The following ATL3 variants were observed in gnomAD, a reference collection of about 807,000 sequenced individuals.
The protein encoded by ATL3 is atlastin GTPase 3.
In ATL3, 49 loss-of-function variants were observed where a neutral mutation model predicts 69.5. The observed-to-expected ratio is 0.71, with a 90% CI of 0.56 to 0.89. ATL3 has a LOEUF of 0.89. Ranked by LOEUF, ATL3 falls within the 40% of genes least tolerant of loss-of-function variation. The pLI, the probability that ATL3 is intolerant of heterozygous loss-of-function variation, is 0.00. For missense variants in ATL3, 606 were observed against 645.7 expected (o/e 0.94, Z 0.67); for synonymous variants, 214 against 224.1 (o/e 0.95, Z 0.40).
rs188286428 is a variant in ATL3 at position 63,644,849 on chromosome 11, T to A, written c.619-588A>T. On this transcript the variant is annotated intron_variant, in intron 6 of 12. Coordinates refer to ENST00000398868, the MANE Select transcript of ATL3 (RefSeq NM_015459.5). ...AATGAGAAAATGGTAAATTTGGGACTCTGCCTTAAAGAAATCTATGGGGAA... is the reference window on the plus strand; with the variant it reads ...AATGAGAAAATGGTAAATTTGGGACACTGCCTTAAAGAAATCTATGGGGAA... Among the ~76,000 whole-genome samples the A allele has an allele frequency of 1.5e-3, 227 of 152,338 alleles. 1 individual carries two copies. The highest frequency in any genetic ancestry group is 6.0e-3 in the Admixed American group (92 of 15,300).
chr11:63,665,706 C>G (rs575895472), intron 1 of ATL3, among the ~76,000 whole-genome samples: 163 of 152,056 alleles, frequency 1.1e-3, no homozygotes, highest in Non-Finnish European at 1.8e-3. Context: ...CTGGGCAACA[C>G]GGCGAAACCC....
intron 6 of ATL3, 52 bp downstream of exon 6, chr11:63,646,455 C>G (rs1939882811): frequency 2.5e-6 from 3 of 1,199,390 alleles, no homozygotes; most frequent in Non-Finnish European, 3.6e-6. Context: ...GTTTGCCAAT[C>G]TGTGAAAACA....
Position 63,632,639 on chromosome 11 carries a change from C to T in ATL3, c.1107+387G>A, listed in dbSNP as rs1939361044. On this transcript the variant is annotated intron_variant, in intron 11 of 12. Transcript: ENST00000398868. Reference sequence around the variant, plus strand: ...TATTCCATATGAACTAATAAGAGGACGAATCTTCTTTTAAGATTCGGCCTC... The same window carrying T: ...TATTCCATATGAACTAATAAGAGGATGAATCTTCTTTTAAGATTCGGCCTC... 2.9e-5 allele frequency: 29 copies of T among 989,522 alleles called. No homozygotes were observed. In the South Asian group the frequency reaches 3.7e-4, roughly 12 times the overall value. The allele number at this position is 989,522 out of a possible 1,614,324, so 61.3% of individuals were successfully genotyped here.
intron 9 of ATL3, 138 bp from the exon 10 acceptor site, chr11:63,635,728 C>T (rs889480258): frequency 4.6e-6 from 3 of 653,822 alleles, no homozygotes; most frequent in African/African-American, 1.8e-5. Context: ...AAAAACACAC[C>T]ACACACCTTT....
intron 11 of ATL3, 99 bp downstream of exon 11, chr11:63,632,927 C>A: frequency 9.3e-7 from 1 of 1,070,182 alleles, no homozygotes; most frequent in Non-Finnish European, 1.4e-6. Flanking sequence ...ATTGCCTCAT[C>A]ACTTAAAGAT....
chr11:63,669,010 T>TGG (rs950679290), intron 1 of ATL3, among the ~76,000 whole-genome samples: 19 of 102,504 alleles, frequency 1.9e-4, no homozygotes, highest in Non-Finnish European at 2.9e-4. Flanking sequence ...AATTTTTTTT[T>TGG]GGGTGGGGGG....
upstream of ATL3, chr11:63,671,518 C>T: frequency 1.7e-5 from 25 of 1,436,602 alleles, no homozygotes; most frequent in Non-Finnish European, 2.3e-5. Context: ...CGTGGCCCAA[C>T]GGACAGCCCG....
At chr11:63,640,392 A>G (rs1453346473) in intron 8 of ATL3, among the ~76,000 whole-genome samples, 1 of 150,972 alleles carries the variant, frequency 6.6e-6, no homozygotes, top group African/African-American at 2.4e-5. Context: ...GGCTCAAGCA[A>G]TCCTCCTACC....
chr11:63,633,942 G>A (rs991599604), intron 10 of ATL3, among the ~76,000 whole-genome samples: 1 of 150,570 alleles, frequency 6.6e-6, no homozygotes, highest in African/African-American at 2.4e-5. Context: ...GGCTGAGGCA[G>A]GAGAACTACT....
chr11:63,668,569 A>T (rs753906288), intron 1 of ATL3, among the ~76,000 whole-genome samples: 24 of 152,158 alleles, frequency 1.6e-4, no homozygotes, highest in Non-Finnish European at 3.2e-4. Context: ...TTTGTTGTTG[A>T]CTAAGGATTG....
At position 63,626,357 on chromosome 11, in the gene ATL3, C is replaced by G. The variant is rs547700603; in HGVS notation, c.*2962G>C. Reference sequence around the variant, plus strand: ...TTGCACCACTGCACTCCAACCTGGGCGACAGAGCGAGACCTCTGTCTCAAA... The same window carrying G: ...TTGCACCACTGCACTCCAACCTGGGGGACAGAGCGAGACCTCTGTCTCAAA... On this transcript the variant is annotated 3_prime_UTR_variant, in exon 13 of 13. Transcript: ENST00000398868. The G allele has an allele frequency of 6.6e-6, 1 of 151,958 alleles. No homozygotes were observed. Among genetic ancestry groups the G allele is most frequent in the Non-Finnish European group, 1.5e-5 (1 of 68,036 alleles). 9.4% of individuals were successfully genotyped at this position (151,958 alleles called of 1,614,324 possible). A position where few individuals can be genotyped will look rare whatever the true frequency, so the allele number is the denominator to read the frequency against.
chr11:63,633,252 TAC>T (rs1939387460), intron 10 of ATL3, among the ~76,000 whole-genome samples, 155 bp from the exon 11 acceptor site: 1 of 152,186 alleles, frequency 6.6e-6, no homozygotes, highest in Non-Finnish European at 1.5e-5. Context: ...TGAAATAGAA[TAC>T]ACTTTTTCTG....
chr11:63,662,638 C>A (rs1940455977), intron 1 of ATL3, among the ~76,000 whole-genome samples: 1 of 152,134 alleles, frequency 6.6e-6, no homozygotes, highest in African/African-American at 2.4e-5. Flanking sequence ...CATCACCACA[C>A]CCAGCTAATT....
chr11:63,671,692 T>G, upstream of ATL3: 5 of 1,318,374 alleles, frequency 3.8e-6, no homozygotes, highest in Non-Finnish European at 4.9e-6. Flanking sequence ...CCGCGCTCAC[T>G]GGGTCCCGGC....
At chr11:63,660,813 A>T (rs59243190) in intron 1 of ATL3, among the ~76,000 whole-genome samples, 2,823 of 152,214 alleles carry the variant, frequency 0.019, 115 homozygotes, top group Admixed American at 0.11. Flanking sequence ...TATCAATAAT[A>T]GTGTTTGCCA....
intron 11 of ATL3, among the ~76,000 whole-genome samples, chr11:63,631,733 G>A (rs910242693): frequency 6.6e-6 from 1 of 152,220 alleles, no homozygotes; most frequent in Admixed American, 6.5e-5. Flanking sequence ...TGTAATCCCA[G>A]CACTTTCGGA....
At chr11:63,661,538 G>C (rs1407129998) in intron 1 of ATL3, among the ~76,000 whole-genome samples, 1 of 152,100 alleles carries the variant, frequency 6.6e-6, no homozygotes, top group Non-Finnish European at 1.5e-5. Context: ...GAGGCCAGGA[G>C]TTCAAGACCA....
In ATL3 at chr11:63,629,349, T is replaced by G. The variant is rs762807190; in HGVS notation, c.1596A>C (p.Gly532=). 1.2e-6 allele frequency: 2 copies of G among 1,614,178 alleles called. No homozygotes were observed. The highest frequency in any genetic ancestry group is 1.7e-6 in the Non-Finnish European group (2 of 1,180,018). Residue 532 remains glycine, a synonymous_variant, in exon 13 of 13, where the codon GGA becomes GGC. Transcript: ENST00000398868. ...GAGCTTTTTTATCCATGGATGGTCT[T>G]CCAACAACTGCATCCCTCACAGTGG... is the stretch of plus-strand genomic sequence containing the variant. ...TQATVRDAVV[G]RPSMDKKAQ is the part of the protein sequence containing the mutation.
At chr11:63,671,704 A>T, upstream of ATL3, 1 of 1,297,804 alleles carries the variant, frequency 7.7e-7, no homozygotes, top group Non-Finnish European at 1.0e-6. Flanking sequence ...GGTCCCGGCC[A>T]GCGGTCCTCA....
Sources: allele counts gnomAD v4.1 joint callset (sites outside exome capture counted in the v4.1 genomes callset), GRCh38; gene constraint gnomAD v4.1.1; transcripts MANE v1.5; gene names NCBI Gene and HGNC (gene_info 2026-07-23, HGNC 2026-07-21).